Variants in LRRC4C observed in about 807,000 individuals in gnomAD.
The protein encoded by LRRC4C is leucine rich repeat containing 4C, also known as leucine-rich repeat-containing protein 4C.
Under a neutral mutation model 33.6 loss-of-function variants are expected in LRRC4C, and 5 were observed. The observed-to-expected ratio is 0.15, with a 90% CI of 0.08 to 0.31. The LOEUF (loss-of-function observed/expected upper bound fraction) is 0.31. Among genes scored for constraint, LRRC4C ranks in the 10% least tolerant of loss-of-function variants. The pLI, the probability that LRRC4C is intolerant of heterozygous loss-of-function variation, is 1.00. For missense variants in LRRC4C, 560 were observed against 796.7 expected, an observed-to-expected ratio of 0.70 and a Z score of 3.58; for synonymous variants, 329 against 302.0, an observed-to-expected ratio of 1.09 and a Z score of -0.93.
chr11:40,372,959 C>T (rs952049031), intron 3 of LRRC4C, among the ~76,000 whole-genome samples: 3 of 152,046 alleles, frequency 2.0e-5, no homozygotes, highest in African/African-American at 7.2e-5. Flanking sequence ...AATAACCTAA[C>T]AAATCATGGT....
intron 2 of LRRC4C, among the ~76,000 whole-genome samples, chr11:40,748,379 A>G (rs551338074): frequency 2.6e-5 from 4 of 152,282 alleles, no homozygotes; most frequent in African/African-American, 7.2e-5. Flanking sequence ...ATTCATCTCC[A>G]CTAGACTAGC....
chr11:40,221,114 G>T (rs926313206), intron 5 of LRRC4C, among the ~76,000 whole-genome samples: 2 of 151,944 alleles, frequency 1.3e-5, no homozygotes, highest in African/African-American at 4.8e-5. Context: ...GACCTCAGGT[G>T]ACCTGCATAC....
chr11:41,079,877 C>A (rs1565364397), intron 1 of LRRC4C, among the ~76,000 whole-genome samples: 1 of 152,104 alleles, frequency 6.6e-6, no homozygotes, highest in African/African-American at 2.4e-5. Flanking sequence ...CCAGGGAAGC[C>A]AAGGGATTGG....
At chr11:40,708,697 G>A (rs866090424) in intron 2 of LRRC4C, among the ~76,000 whole-genome samples, 17 of 152,156 alleles carry the variant, frequency 1.1e-4, no homozygotes, top group Admixed American at 2.6e-4. Context: ...CTGTTGGGGT[G>A]GAGAGTTCTG....
At chr11:41,199,462 G>A (rs144889913) in intron 1 of LRRC4C, among the ~76,000 whole-genome samples, 1,522 of 152,068 alleles carry the variant, frequency 0.01, 20 homozygotes, top group African/African-American at 0.035. Context: ...ATTGAATAGA[G>A]CATTTCTGAG....
rs556317383 is a variant in LRRC4C at position 40,957,418 on chromosome 11, A to G, written c.-495-23695T>C. Among the ~76,000 whole-genome samples the G allele has an allele frequency of 4.1e-4, 63 of 151,860 alleles. No homozygotes were observed. The South Asian group carries it at 0.012, about 29-fold the overall frequency. On this transcript the variant is annotated intron_variant, in intron 1 of 6. Transcript: ENST00000528697. ...CAGGACACTTTAAGCCATGTGTTTTACAGATATATCTCTCTATTTCTCTCT... is the reference window on the plus strand; with the variant it reads ...CAGGACACTTTAAGCCATGTGTTTTGCAGATATATCTCTCTATTTCTCTCT...
chr11:41,026,600 C>A (rs1313799702), intron 1 of LRRC4C, among the ~76,000 whole-genome samples: 2 of 151,350 alleles, frequency 1.3e-5, no homozygotes, highest in East Asian at 1.9e-4. Flanking sequence ...ACCGAGAAAT[C>A]TTTCATAAAA....
intron 1 of LRRC4C, among the ~76,000 whole-genome samples, chr11:41,024,832 A>C (rs776969843): frequency 6.6e-6 from 1 of 151,654 alleles, no homozygotes; most frequent in Non-Finnish European, 1.5e-5. Context: ...GTGTTGGGCA[A>C]ATTTATTGGT....
At chr11:40,501,464 G>A (rs1454408838) in intron 3 of LRRC4C, among the ~76,000 whole-genome samples, 1 of 152,180 alleles carries the variant, frequency 6.6e-6, no homozygotes, top group Non-Finnish European at 1.5e-5. Context: ...TTCAGGTGAT[G>A]CCATACATCC....
intron 3 of LRRC4C, among the ~76,000 whole-genome samples, chr11:40,423,479 G>C (rs1395951755): frequency 6.6e-6 from 1 of 151,614 alleles, no homozygotes; most frequent in Non-Finnish European, 1.5e-5. Context: ...CGAGCAGCTG[G>C]GACTACAGGC....
At position 41,056,814 on chromosome 11, in the gene LRRC4C, G is replaced by A. The variant is rs563123524; in HGVS notation, c.-495-123091C>T. Among the ~76,000 whole-genome samples the A allele has an allele frequency of 1.3e-4, 20 of 152,338 alleles. No homozygotes were observed. The South Asian group carries it at 3.9e-3, about 30-fold the overall frequency. On this transcript the variant is annotated intron_variant, in intron 1 of 6. Coordinates refer to ENST00000528697, the MANE Select transcript of LRRC4C (RefSeq NM_001258419.2). The stretch of plus-strand genomic sequence containing the variant: ...AGGGAACACATATACTGCTGGTAAT[G>A]GCAGTGATGGGCCATCTGGAGCAGC...
chr11:40,746,712 G>C (rs1374938516), intron 2 of LRRC4C, among the ~76,000 whole-genome samples: 1 of 152,136 alleles, frequency 6.6e-6, no homozygotes, highest in Non-Finnish European at 1.5e-5. Context: ...CCTGGGGATT[G>C]CTCTGCCCAG....
chr11:40,978,869 T>G (rs1392525492), intron 1 of LRRC4C, among the ~76,000 whole-genome samples: 2 of 152,058 alleles, frequency 1.3e-5, no homozygotes, highest in African/African-American at 4.8e-5. Context: ...TGATCTCAAG[T>G]GATCCGCCCA....
intron 2 of LRRC4C, among the ~76,000 whole-genome samples, chr11:40,675,999 C>T (rs1944379715): frequency 6.6e-6 from 1 of 152,066 alleles, no homozygotes; most frequent in South Asian, 2.1e-4. Context: ...TAAAACTCAC[C>T]AACACAAATC....
At chr11:40,869,744 C>A (rs189863351) in intron 2 of LRRC4C, among the ~76,000 whole-genome samples, 1 of 152,262 alleles carries the variant, frequency 6.6e-6, no homozygotes, top group East Asian at 1.9e-4. Flanking sequence ...ACGCAAGAAC[C>A]TGGAAGTTTG....
At chr11:41,122,504 T>C (rs1211854302) in intron 1 of LRRC4C, among the ~76,000 whole-genome samples, 1 of 152,010 alleles carries the variant, frequency 6.6e-6, no homozygotes, top group African/African-American at 2.4e-5. Context: ...ATATATATTA[T>C]AAATTAGAAG....
intron 2 of LRRC4C, among the ~76,000 whole-genome samples, chr11:40,729,051 C>G (rs984552324): frequency 1.3e-5 from 2 of 152,108 alleles, no homozygotes; most frequent in Non-Finnish European, 2.9e-5. Flanking sequence ...ACCTGGGTGA[C>G]AGGATCAATA....
intron 3 of LRRC4C, among the ~76,000 whole-genome samples, chr11:40,350,928 T>G (rs1417182272): frequency 1.3e-5 from 2 of 152,094 alleles, no homozygotes; most frequent in East Asian, 3.8e-4. Flanking sequence ...GATTTTTGTA[T>G]GTTGATTTTG....
At position 41,117,828 on chromosome 11, in the gene LRRC4C, C is replaced by T. The variant is rs552300639; in HGVS notation, c.-495-184105G>A. On this transcript the variant is annotated intron_variant, in intron 1 of 6. Transcript: ENST00000528697. ...TAATTAGTATTTCAAGCAAAATTCGCATTAGCTTATTTTACACTTATGAGC... is the reference window on the plus strand; with the variant it reads ...TAATTAGTATTTCAAGCAAAATTCGTATTAGCTTATTTTACACTTATGAGC... 1.4e-4 allele frequency among the ~76,000 whole-genome samples: 21 copies of T among 152,086 alleles called. No homozygotes were observed. In the East Asian group the frequency reaches 4.1e-3, roughly 29 times the overall value.
Sources: gnomAD v4.1 joint callset for allele counts (sites outside exome capture counted in the v4.1 genomes callset) on GRCh38, gnomAD v4.1.1 for gene constraint, MANE v1.5 for transcripts, NCBI Gene and HGNC (gene_info 2026-07-23, HGNC 2026-07-21) for gene names.